PRKD1: variants seen among roughly 807,000 people sequenced by gnomAD.
PRKD1 encodes the protein protein kinase D1, also known as serine/threonine-protein kinase D1.
In PRKD1, 63 loss-of-function variants were observed where a neutral mutation model predicts 95.9. That is an observed-to-expected ratio of 0.66 (90% CI 0.54 to 0.81). The LOEUF is 0.81. Ranked by LOEUF, PRKD1 falls within the 30% of genes least tolerant of loss-of-function variation. PRKD1 has a pLI of 0.00. For missense variants in PRKD1, 1,048 were observed against 1,165.3 expected (o/e 0.90, Z 1.47); for synonymous variants, 425 against 423.1 (o/e 1.00, Z -0.05).
chr14:29,635,302 T>C (rs1477760181), intron 7 of PRKD1, among the ~76,000 whole-genome samples: 1 of 152,172 alleles, frequency 6.6e-6, no homozygotes, highest in African/African-American at 2.4e-5. Flanking sequence ...TCTCTGTTTC[T>C]TCCTCTCTTC....
intron 1 of PRKD1, among the ~76,000 whole-genome samples, chr14:29,775,668 C>T (rs1055390620): frequency 2.0e-5 from 3 of 152,126 alleles, no homozygotes; most frequent in South Asian, 4.1e-4. Flanking sequence ...TGGGTGGAGG[C>T]CACCAAAGCT....
Position 29,629,207 on chromosome 14 carries a change from T to C in PRKD1, c.1673-114A>G, listed in dbSNP as rs540261308. ...TGCAAAAGTGGTTTTAACTAAATCATAGCAATTAGGTTTTTCTAAGAAAAT... is the reference window on the plus strand; with the variant it reads ...TGCAAAAGTGGTTTTAACTAAATCACAGCAATTAGGTTTTTCTAAGAAAAT... On this transcript the variant is annotated intron_variant, in intron 10 of 17. Coordinates refer to ENST00000331968, the MANE Select transcript of PRKD1 (RefSeq NM_002742.3). 6 of 742,656 alleles carry C rather than the reference T, an allele frequency of 8.1e-6. No homozygotes were observed. In the East Asian group the frequency reaches 9.0e-5, roughly 11 times the overall value. The allele number at this position is 742,656 out of a possible 1,614,324, so 46.0% of individuals were successfully genotyped here. A position where few individuals can be genotyped will look rare whatever the true frequency, so the allele number is the denominator to read the frequency against.
chr14:29,831,413 C>G (rs1321957003), intron 1 of PRKD1, among the ~76,000 whole-genome samples: 1 of 150,580 alleles, frequency 6.6e-6, no homozygotes, highest in Non-Finnish European at 1.5e-5. Context: ...AAAGCCAGTT[C>G]TCTCACTCAC....
chr14:29,743,409 T>TTA (rs889291540), intron 1 of PRKD1, among the ~76,000 whole-genome samples: 25 of 151,972 alleles, frequency 1.6e-4, no homozygotes, highest in African/African-American at 5.6e-4. Context: ...ACATGGTATT[T>TTA]TATATATATA....
intron 2 of PRKD1, among the ~76,000 whole-genome samples, chr14:29,699,076 C>G (rs906578930): frequency 6.6e-6 from 1 of 152,166 alleles, no homozygotes; most frequent in East Asian, 1.9e-4. Flanking sequence ...AATGACATAT[C>G]AAAATTTGGT....
chr14:29,662,497 T>C (rs1274385939), intron 4 of PRKD1, among the ~76,000 whole-genome samples: 2 of 152,114 alleles, frequency 1.3e-5, no homozygotes, highest in Non-Finnish European at 2.9e-5. Context: ...TAGTTATTGG[T>C]GAAATTTAGT....
intron 1 of PRKD1, among the ~76,000 whole-genome samples, chr14:29,732,890 T>A (rs894019654): frequency 6.6e-6 from 1 of 151,308 alleles, no homozygotes; most frequent in Non-Finnish European, 1.5e-5. Flanking sequence ...TTTAAACAAT[T>A]TGATAGTGAT....
intron 2 of PRKD1, among the ~76,000 whole-genome samples, chr14:29,676,188 T>G (rs1278147180): frequency 3.3e-5 from 4 of 121,530 alleles, no homozygotes; most frequent in South Asian, 2.8e-4. Context: ...TTTTTGTTTT[T>G]TTTTTTTTTT....
chr14:29,675,804 A>G (rs1251858191), intron 2 of PRKD1, among the ~76,000 whole-genome samples: 3 of 152,128 alleles, frequency 2.0e-5, no homozygotes, highest in Non-Finnish European at 4.4e-5. Context: ...CCACCATAAA[A>G]AAGGATGAGT....
At chr14:29,793,911 T>C (rs1471662926) in intron 1 of PRKD1, among the ~76,000 whole-genome samples, 3 of 152,090 alleles carry the variant, frequency 2.0e-5, no homozygotes, top group Admixed American at 6.6e-5. Context: ...TTTCTGAACA[T>C]AGCAATTCAT....
chr14:29,717,314 T>C (rs1371338360), intron 2 of PRKD1, among the ~76,000 whole-genome samples: 1 of 152,128 alleles, frequency 6.6e-6, no homozygotes, highest in East Asian at 1.9e-4. Context: ...GTACTTTACA[T>C]TTGGCAACCA....
At chr14:29,616,243 CAAAAAAAAAAA>C (rs72142312) in intron 13 of PRKD1, among the ~76,000 whole-genome samples, 1 of 33,958 alleles carries the variant, frequency 2.9e-5, no homozygotes, top group Non-Finnish European at 4.8e-5. Context: ...AGAGTATGGC[CAAAAAAAAAAA>C]AAAAAAAAAA....
intron 1 of PRKD1, among the ~76,000 whole-genome samples, chr14:29,891,444 T>C (rs1287011233): frequency 6.6e-6 from 1 of 152,224 alleles, no homozygotes; most frequent in Non-Finnish European, 1.5e-5. Flanking sequence ...CATGCACGCA[T>C]GCACTATGTC....
chr14:29,732,902 T>C (rs1164092667), intron 1 of PRKD1, among the ~76,000 whole-genome samples: 1 of 148,550 alleles, frequency 6.7e-6, no homozygotes, highest in East Asian at 1.9e-4. Context: ...GATAGTGATG[T>C]GCCTTGAAGT....
intron 4 of PRKD1, 28 bp from the exon 5 acceptor site, chr14:29,638,932 C>A: frequency 6.4e-7 from 1 of 1,571,032 alleles, no homozygotes; most frequent in East Asian, 2.2e-5. Context: ...ATAAAGGAAG[C>A]AAGATGTAAG....
intron 2 of PRKD1, among the ~76,000 whole-genome samples, chr14:29,722,143 G>T (rs1396613768): frequency 6.6e-6 from 1 of 151,998 alleles, no homozygotes. Flanking sequence ...CTGGTAGATT[G>T]TTAGTTAAAT....
chr14:29,584,582 A>G (rs1330924639), intron 16 of PRKD1, among the ~76,000 whole-genome samples: 1 of 152,218 alleles, frequency 6.6e-6, no homozygotes, highest in African/African-American at 2.4e-5. Flanking sequence ...AGTAAAATAT[A>G]TTTAAACTAT....
In PRKD1 at chr14:29,833,983, C is replaced by A. The variant is rs571912729; in HGVS notation, c.264+93266G>T. 4.7e-4 allele frequency among the ~76,000 whole-genome samples: 72 copies of A among 152,124 alleles called. 1 individual carries two copies. The highest frequency in any genetic ancestry group is 8.4e-4 in the Non-Finnish European group (57 of 67,980). ...CAGAGAAAAGGAACACAGCTCACTT[C>A]CTAAAGAACATGTCCTTCTCAATCT... On this transcript the variant is annotated intron_variant, in intron 1 of 17. Coordinates refer to ENST00000331968, the MANE Select transcript of PRKD1 (RefSeq NM_002742.3).
chr14:29,786,881 G>GT (rs1191283563), intron 1 of PRKD1, among the ~76,000 whole-genome samples: 1 of 151,068 alleles, frequency 6.6e-6, no homozygotes, highest in African/African-American at 2.4e-5. Context: ...TTTTGGATTT[G>GT]TTTTTTTCTT....
Sources: allele counts gnomAD v4.1 joint callset (sites outside exome capture counted in the v4.1 genomes callset), GRCh38; gene constraint gnomAD v4.1.1; transcripts MANE v1.5; gene names NCBI Gene and HGNC (gene_info 2026-07-23, HGNC 2026-07-21).